CDH12: variants seen among roughly 807,000 people sequenced by gnomAD.
CDH12 encodes cadherin-12.
In CDH12, 41 loss-of-function variants were observed where a neutral mutation model predicts 74.1. That is an observed-to-expected ratio of 0.55 (90% confidence interval 0.43 to 0.72). The LOEUF (loss-of-function observed/expected upper bound fraction) is 0.72, where lower values mean the gene tolerates loss of function less well. CDH12 is among the 30% of genes least tolerant of loss of function. The pLI is 0.00. For synonymous variants in CDH12, 399 were observed against 355.0 expected (o/e 1.12, Z -1.39); for missense variants, 945 against 977.2 (o/e 0.97, Z 0.44).
chr5:22,567,881 C>T (rs1739365936), intron 1 of CDH12, among the ~76,000 whole-genome samples: 1 of 152,170 alleles, frequency 6.6e-6, no homozygotes, highest in African/African-American at 2.4e-5. Context: ...GTCCATATAG[C>T]ATATTTTGAC....
chr5:22,360,881 C>T (rs925150100), intron 3 of CDH12, among the ~76,000 whole-genome samples: 20 of 152,060 alleles, frequency 1.3e-4, no homozygotes, highest in Non-Finnish European at 8.8e-5. Flanking sequence ...AATTAAACAG[C>T]CCTTCATGCT....
At chr5:21,935,083 G>T (rs2150084750) in intron 6 of CDH12, among the ~76,000 whole-genome samples, 1 of 152,190 alleles carries the variant, frequency 6.6e-6, no homozygotes, top group East Asian at 1.9e-4. Context: ...AACGTGCCCG[G>T]CCCCTTTTCT....
At chr5:22,562,694 C>G (rs1739110818) in intron 1 of CDH12, among the ~76,000 whole-genome samples, 1 of 151,436 alleles carries the variant, frequency 6.6e-6, no homozygotes, top group South Asian at 2.1e-4. Context: ...GACTTTCACT[C>G]TTAATGTGAA....
chr5:22,594,075 G>T (rs1283708566), intron 1 of CDH12, among the ~76,000 whole-genome samples: 4 of 152,160 alleles, frequency 2.6e-5, no homozygotes, highest in Non-Finnish European at 5.9e-5. Context: ...CTAAAAGACT[G>T]AGACTAAAGA....
intron 9 of CDH12, among the ~76,000 whole-genome samples, chr5:21,808,127 C>A (rs1387814405): frequency 6.6e-6 from 1 of 151,966 alleles, no homozygotes; most frequent in Non-Finnish European, 1.5e-5. Flanking sequence ...ACCACAAAAA[C>A]AAAACAAACA....
chr5:21,922,806 A>G (rs1754411461), intron 6 of CDH12, among the ~76,000 whole-genome samples: 1 of 152,046 alleles, frequency 6.6e-6, no homozygotes, highest in Admixed American at 6.5e-5. Context: ...TATCAGGATA[A>G]TATTACCTTT....
intron 1 of CDH12, among the ~76,000 whole-genome samples, chr5:22,798,528 CAGA>C (rs1337250951): frequency 6.6e-6 from 1 of 151,590 alleles, no homozygotes; most frequent in East Asian, 1.9e-4. Flanking sequence ...TAAATATCAC[CAGA>C]TATATTAAAC....
At chr5:22,351,722 T>C (rs1740362535) in intron 3 of CDH12, among the ~76,000 whole-genome samples, 1 of 152,236 alleles carries the variant, frequency 6.6e-6, no homozygotes, top group African/African-American at 2.4e-5. Context: ...AATCAAATTA[T>C]ATTTTTCAAT....
intron 3 of CDH12, among the ~76,000 whole-genome samples, chr5:22,398,996 T>C (rs894803198): frequency 1.3e-5 from 2 of 152,088 alleles, no homozygotes; most frequent in Admixed American, 1.3e-4. Flanking sequence ...ACTAAGGTAT[T>C]CTGTGAGTCA....
chr5:21,770,485 A>G (rs558317955), intron 11 of CDH12, among the ~76,000 whole-genome samples: 1 of 152,010 alleles, frequency 6.6e-6, no homozygotes, highest in South Asian at 2.1e-4. Context: ...GTAGCTGGGC[A>G]TGGTGGTGGG....
At chr5:22,374,008 C>T (rs184322505) in intron 3 of CDH12, among the ~76,000 whole-genome samples, 3 of 152,130 alleles carry the variant, frequency 2.0e-5, no homozygotes, top group Admixed American at 2.0e-4. Flanking sequence ...GATACAGCAA[C>T]AAAGAAAACT....
intron 5 of CDH12, among the ~76,000 whole-genome samples, chr5:22,044,491 A>G (rs1169613182): frequency 6.6e-6 from 1 of 152,146 alleles, no homozygotes; most frequent in African/African-American, 2.4e-5. Context: ...GTGAGAACTC[A>G]CTCACTGTCA....
chr5:21,886,426 TTTTTTC>T (rs1752633357), intron 6 of CDH12, among the ~76,000 whole-genome samples: 4 of 150,160 alleles, frequency 2.7e-5, no homozygotes, highest in Admixed American at 2.7e-4. Context: ...TTTGTTTGTG[TTTTTTC>T]TTTTTATTAT....
chr5:22,711,744 G>A (rs945976031), intron 1 of CDH12, among the ~76,000 whole-genome samples: 2 of 152,000 alleles, frequency 1.3e-5, no homozygotes, highest in African/African-American at 4.8e-5. Context: ...AATAAAACAT[G>A]TTGTGAAATA....
At chr5:22,270,136 T>A (rs1736323300) in intron 3 of CDH12, among the ~76,000 whole-genome samples, 1 of 152,188 alleles carries the variant, frequency 6.6e-6, no homozygotes, top group Non-Finnish European at 1.5e-5. Context: ...TGTCTTCTTA[T>A]TTCACTTTTT....
chr5:22,212,780 T>C (rs1580409890), intron 3 of CDH12, 137 bp from the exon 4 acceptor site: 1 of 255,348 alleles, frequency 3.9e-6, no homozygotes, highest in Non-Finnish European at 6.1e-6. Context: ...GGCAGGTCCC[T>C]GGAGCCAGGC....
chr5:22,590,909 C>T (rs1201239979), intron 1 of CDH12, among the ~76,000 whole-genome samples: 4 of 152,078 alleles, frequency 2.6e-5, no homozygotes, highest in Non-Finnish European at 5.9e-5. Flanking sequence ...GTATTTTATG[C>T]TATTGGCGGC....
chr5:22,353,798 G>T (rs1472369386), intron 3 of CDH12, among the ~76,000 whole-genome samples: 1 of 152,048 alleles, frequency 6.6e-6, no homozygotes, highest in Non-Finnish European at 1.5e-5. Context: ...GATACACTAA[G>T]ATCAACCTCT....
chr5:21,764,853 T>G (rs1008257994), intron 12 of CDH12, 125 bp downstream of exon 12: 11 of 880,274 alleles, frequency 1.2e-5, no homozygotes, highest in Non-Finnish European at 2.0e-5. Context: ...CTTTTATGGT[T>G]TCTTTTATGA....
Sources: gnomAD v4.1 joint callset for allele counts (sites outside exome capture counted in the v4.1 genomes callset) on GRCh38, gnomAD v4.1.1 for gene constraint, MANE v1.5 for transcripts, NCBI Gene and HGNC (gene_info 2026-07-23, HGNC 2026-07-21) for gene names.